TECTA: variants seen among roughly 807,000 people sequenced by gnomAD.
The protein encoded by TECTA is alpha-tectorin.
In TECTA, 128 loss-of-function variants were observed where a neutral mutation model predicts 216.8. The ratio of observed to expected loss-of-function variants is 0.59; its 90% CI spans 0.51 to 0.68. The LOEUF (loss-of-function observed/expected upper bound fraction) is 0.68. Among genes scored for constraint, TECTA ranks in the 30% least tolerant of loss-of-function variants. The probability of loss-of-function intolerance (pLI) is 0.00; values close to 1 mark genes in which losing one functional copy is unlikely to be tolerated. For synonymous variants in TECTA, 1,089 were observed against 1,117.1 expected, an observed-to-expected ratio of 0.97 and a Z score of 0.50; for missense variants, 2,551 against 2,786.2, an observed-to-expected ratio of 0.92 and a Z score of 1.90.
chr11:121,112,093 G>A (rs1242376738), intron 4 of TECTA, among the ~76,000 whole-genome samples: 1 of 152,162 alleles, frequency 6.6e-6, no homozygotes, highest in Non-Finnish European at 1.5e-5. Context: ...AAAGGTCAAT[G>A]CAGCCTCTCC....
Position 121,145,827 on chromosome 11 carries a change from G to C in TECTA, c.3816G>C (p.Lys1272Asn). 1.2e-6 allele frequency: 2 copies of C among 1,614,212 alleles called. No individual in the cohort carries two copies. Among genetic ancestry groups the C allele is most frequent in the Non-Finnish European group, 1.7e-6 (2 of 1,180,040 alleles). ...SVNEFGQSWV[K>N]RDTFCQVGCG... Reference sequence around the variant, plus strand: ...ATGAGTTTGGGCAGAGCTGGGTGAAGAGGGACACCTTCTGCCAGGTGGGCT... The same window carrying C: ...ATGAGTTTGGGCAGAGCTGGGTGAACAGGGACACCTTCTGCCAGGTGGGCT... The change falls in exon 12 of 24, where the codon AAG (lysine) becomes AAC (asparagine). Residue 1272 changes from lysine to asparagine, a missense_variant. Physicochemically the swap from Lys to Asn is moderately conservative, Grantham distance 94 (BLOSUM62 0). Around this residue, in one of 3 missense-constraint regions of TECTA, gnomAD observed 2,375 missense variants for 2,563.9 expected, o/e 0.93. Coordinates refer to ENST00000392793, the MANE Select transcript of TECTA (RefSeq NM_005422.4).
intron 2 of TECTA, among the ~76,000 whole-genome samples, chr11:121,103,582 G>GA (rs950083221): frequency 1.0e-4 from 15 of 148,766 alleles, no homozygotes; most frequent in South Asian, 2.1e-4. Flanking sequence ...TATTTGGTGG[G>GA]AAAAAAAAAA....
At chr11:121,146,390 A>T in intron 12 of TECTA, 1 of 510,718 alleles carries the variant, frequency 2.0e-6, no homozygotes. Flanking sequence ...AGTATCACAC[A>T]TGGCACTTGG....
At chr11:121,141,606 C>T (rs1946784798) in intron 11 of TECTA, among the ~76,000 whole-genome samples, 1 of 152,216 alleles carries the variant, frequency 6.6e-6, no homozygotes, top group African/African-American at 2.4e-5. Context: ...TCTCTCCTGC[C>T]CCCACCCTCA....
At chr11:121,130,293 C>T in intron 10 of TECTA, 82 bp downstream of exon 10, 3 of 1,491,610 alleles carry the variant, frequency 2.0e-6, no homozygotes, top group Non-Finnish European at 2.7e-6. Flanking sequence ...ACTTCCCTTC[C>T]AGGTGGGACT....
intron 11 of TECTA, among the ~76,000 whole-genome samples, chr11:121,141,605 C>T (rs1487819734): frequency 6.6e-6 from 1 of 152,240 alleles, no homozygotes; most frequent in Non-Finnish European, 1.5e-5. Context: ...CTCTCTCCTG[C>T]CCCCACCCTC....
chr11:121,125,915 G>C (rs1486371534), intron 8 of TECTA, 43 bp downstream of exon 8: 1 of 1,593,436 alleles, frequency 6.3e-7, no homozygotes, highest in South Asian at 1.1e-5. Flanking sequence ...CTCTTGTGCA[G>C]GGGGCAGGGA....
At chr11:121,169,156 G>A (rs1280082711) in intron 20 of TECTA, among the ~76,000 whole-genome samples, 3 of 152,116 alleles carry the variant, frequency 2.0e-5, no homozygotes, top group Non-Finnish European at 4.4e-5. Flanking sequence ...TATATTGGTA[G>A]GTACCCCACG....
In TECTA at chr11:121,153,082, T is replaced by A. The variant is rs760919479; in HGVS notation, c.4305+2T>A. 1.2e-6 allele frequency: 2 copies of A among 1,612,710 alleles called. No homozygotes were observed. Among genetic ancestry groups the A allele is most frequent in the Non-Finnish European group, 1.7e-6 (2 of 1,179,552 alleles). On this transcript the variant is annotated splice_donor_variant, in intron 13 of 23. Transcript: ENST00000392793. LOFTEE classifies it high-confidence loss of function. ...TACTCCGATGGCAAATATTACGAGGTATGGGAGGCCAGCCCGGCCTTTTCC... is the reference window on the plus strand; with the variant it reads ...TACTCCGATGGCAAATATTACGAGGAATGGGAGGCCAGCCCGGCCTTTTCC...
At chr11:121,146,383 A>G (rs1349057631) in intron 12 of TECTA, 1 of 531,050 alleles carries the variant, frequency 1.9e-6, no homozygotes, top group East Asian at 3.3e-5. Context: ...ATCACAGAGT[A>G]TCACACATGG....
intron 12 of TECTA, chr11:121,146,346 G>C: frequency 3.4e-6 from 2 of 588,164 alleles, no homozygotes; most frequent in Admixed American, 5.8e-5. Context: ...GGGTTACCCT[G>C]AGGATGAAAT....
At chr11:121,156,166 T>A (rs1286718638) in intron 13 of TECTA, among the ~76,000 whole-genome samples, 1 of 152,174 alleles carries the variant, frequency 6.6e-6, no homozygotes, top group Non-Finnish European at 1.5e-5. Flanking sequence ...ACATTATTTT[T>A]AATTTAATTT....
intron 6 of TECTA, among the ~76,000 whole-genome samples, chr11:121,114,551 G>C (rs1341682621): frequency 6.8e-6 from 1 of 146,812 alleles, no homozygotes; most frequent in Non-Finnish European, 1.5e-5. Context: ...CTGTTCATTA[G>C]TCCATCCACC....
chr11:121,180,201 T>C (rs1336412370), intron 20 of TECTA, among the ~76,000 whole-genome samples: 1 of 152,126 alleles, frequency 6.6e-6, no homozygotes, highest in African/African-American at 2.4e-5. Context: ...TTCGGTTTTG[T>C]GTATATGATC....
intron 19 of TECTA, 87 bp from the exon 20 acceptor site, chr11:121,168,590 C>T (rs1947079339): frequency 1.2e-6 from 2 of 1,607,374 alleles, no homozygotes; most frequent in Admixed American, 1.7e-5. Flanking sequence ...CTTTGCTTTC[C>T]CTCTGCATTC....
At chr11:121,183,754 T>C (rs549361998) in intron 20 of TECTA, among the ~76,000 whole-genome samples, 1 of 152,304 alleles carries the variant, frequency 6.6e-6, no homozygotes, top group African/African-American at 2.4e-5. Flanking sequence ...TTCTGTTTGA[T>C]CTAGCATATT....
At chr11:121,115,871 G>T (rs1031993965) in intron 6 of TECTA, among the ~76,000 whole-genome samples, 1 of 152,060 alleles carries the variant, frequency 6.6e-6, no homozygotes, top group African/African-American at 2.4e-5. Flanking sequence ...TGCCCAGGCT[G>T]GTCTCAAACT....
At chr11:121,132,414 T>C (rs1427414440) in intron 10 of TECTA, among the ~76,000 whole-genome samples, 2 of 152,224 alleles carry the variant, frequency 1.3e-5, no homozygotes, top group Non-Finnish European at 2.9e-5. Context: ...TCTTGTACTT[T>C]CTCTGCTCTA....
chr11:121,163,490 C>T (rs150284735), intron 16 of TECTA, among the ~76,000 whole-genome samples: 1 of 151,364 alleles, frequency 6.6e-6, no homozygotes, highest in African/African-American at 2.4e-5. Flanking sequence ...AGGAGATATA[C>T]CTAATGCTAA....
Sources: gnomAD v4.1 joint callset for allele counts (sites outside exome capture counted in the v4.1 genomes callset) on GRCh38, gnomAD v4.1.1 for gene constraint, gnomAD v4.1.1 regional missense constraint, MANE v1.5 for transcripts, NCBI Gene and HGNC (gene_info 2026-07-23, HGNC 2026-07-21) for gene names.